The following ABCB4 variants were observed in gnomAD, a reference collection of about 807,000 sequenced individuals.
ABCB4 encodes ATP binding cassette subfamily B member 4.
ABCB4 carries 76 observed loss-of-function variants against 145.7 expected under a neutral mutation model. The observed-to-expected ratio is 0.52, with a 90% CI of 0.43 to 0.63. The LOEUF (loss-of-function observed/expected upper bound fraction) is 0.63. ABCB4 is among the 30% of genes least tolerant of loss of function. ABCB4 has a pLI of 0.00. For missense variants in ABCB4, 1,234 were observed against 1,553.1 expected, an observed-to-expected ratio of 0.79 and a Z score of 3.45; for synonymous variants, 517 against 566.8, an observed-to-expected ratio of 0.91 and a Z score of 1.25.
At chr7:87,449,786 A>G (rs1811586054) in intron 8 of ABCB4, among the ~76,000 whole-genome samples, 182 bp downstream of exon 8, 1 of 152,198 alleles carries the variant, frequency 6.6e-6, no homozygotes, top group African/African-American at 2.4e-5. Context: ...TGGAACATAA[A>G]TGATTAAGAA....
intron 24 of ABCB4, 128 bp downstream of exon 24, chr7:87,409,107 TA>T: frequency 8.7e-7 from 1 of 1,154,636 alleles, no homozygotes; most frequent in Non-Finnish European, 1.3e-6. Context: ...ATTAGCTATA[TA>T]AATATTACAA....
Position 87,475,441 on chromosome 7 carries a change from C to G in ABCB4, c.25G>C (p.Gly9Arg). 6.2e-7 allele frequency: 1 copy of G among 1,614,164 alleles called. No individual in the cohort carries two copies. The highest frequency in any genetic ancestry group is 2.2e-5 in the East Asian group (1 of 44,868). Residue 9 changes from glycine to arginine, a missense_variant, in exon 2 of 28, where the codon GGA (glycine) becomes CGA (arginine). Physicochemically the swap from Gly to Arg is moderately radical, Grantham distance 125 (BLOSUM62 -2). Around this residue, in one of 7 missense-constraint regions of ABCB4, gnomAD observed 77 missense variants for 73.3 expected, o/e 1.05. Transcript: ENST00000649586. Reference protein sequence around the residue: MDLEAAKNGTAWRPTSAEG... With the variant: MDLEAAKNRTAWRPTSAEG... ...GCGCTCGTGGGGCGCCAGGCTGTTC[C>G]GTTCTTTGCCGCCTCAAGATCCATC...
the ABCB4 span, among the ~76,000 whole-genome samples, chr7:87,395,130 G>T: frequency 6.6e-6 from 1 of 152,142 alleles, no homozygotes; most frequent in Non-Finnish European, 1.5e-5. Context: ...CCCACAATAG[G>T]CCAGCTGCAA....
chr7:87,375,899 G>A, the ABCB4 span: 16 of 1,613,060 alleles, frequency 9.9e-6, no homozygotes, highest in Non-Finnish European at 1.4e-5. Context: ...GTAGTTTACT[G>A]GTATATTCCA....
intron 14 of ABCB4, 123 bp downstream of exon 14, chr7:87,439,544 C>T (rs1249919466): frequency 1.8e-6 from 2 of 1,141,250 alleles, no homozygotes; most frequent in East Asian, 2.4e-5. Flanking sequence ...GAAATCAATA[C>T]AGCTCCATGA....
At chr7:87,428,474 C>T (rs937826025) in intron 15 of ABCB4, among the ~76,000 whole-genome samples, 3 of 152,274 alleles carry the variant, frequency 2.0e-5, no homozygotes, top group Non-Finnish European at 4.4e-5. Context: ...CGGAGAACAA[C>T]CTCAAATCCT....
At chr7:87,446,591 AAAAC>A (rs1397040197) in intron 9 of ABCB4, among the ~76,000 whole-genome samples, 2 of 152,216 alleles carry the variant, frequency 1.3e-5, no homozygotes, top group African/African-American at 4.8e-5. Context: ...TTGATAAATA[AAAAC>A]AAACTAACAT....
At chr7:87,382,768 G>A in the ABCB4 span, among the ~76,000 whole-genome samples, 37 of 152,090 alleles carry the variant, frequency 2.4e-4, no homozygotes, top group Non-Finnish European at 2.2e-4. Flanking sequence ...AACTTTTGAC[G>A]TGTCTATTCT....
At chr7:87,449,870 T>C in intron 8 of ABCB4, 98 bp downstream of exon 8, 2 of 1,584,666 alleles carry the variant, frequency 1.3e-6, no homozygotes, top group South Asian at 1.1e-5. Context: ...GAAGGGTTAA[T>C]ATTAGGAAAG....
In ABCB4 at chr7:87,431,561, C is replaced by G. The variant is rs1264918408; in HGVS notation, c.1736G>C (p.Arg579Thr). Reference sequence around the variant, plus strand: ...TATCACAATGGTGGTCCGGCCTTCTCTGGCCTAAAAGAACAAAAATGTGGT... The same window carrying G: ...TATCACAATGGTGGTCCGGCCTTCTGTGGCCTAAAAGAACAAAAATGTGGT... ...AEVQAALDKA[R>T]EGRTTIVIAH... Residue 579 changes from arginine (R) to threonine (T), a missense_variant, in exon 15 of 28, where the codon AGA becomes ACA. Physicochemically the swap from Arg to Thr is moderately conservative, Grantham distance 71. This residue lies in a region of ABCB4 where 467 missense variants were observed against 632.8 expected (regional missense o/e 0.74). Coordinates refer to ENST00000649586, the MANE Select transcript of ABCB4 (RefSeq NM_000443.4). 1.9e-6 allele frequency: 3 copies of G among 1,614,082 alleles called. No individual in the cohort carries two copies. The African/African-American group carries it at 4.0e-5, about 22-fold the overall frequency.
At chr7:87,392,738 C>T in the ABCB4 span, 22 of 1,613,120 alleles carry the variant, frequency 1.4e-5, no homozygotes, top group Middle Eastern at 1.6e-4. Flanking sequence ...AGGATTTGAT[C>T]GTCACCTTTT....
At chr7:87,424,946 G>C (rs1809705249) in intron 16 of ABCB4, among the ~76,000 whole-genome samples, 1 of 152,048 alleles carries the variant, frequency 6.6e-6, no homozygotes, top group Non-Finnish European at 1.5e-5. Flanking sequence ...AGGTCACTGA[G>C]AAAGGTTATA....
At chr7:87,376,898 T>C in the ABCB4 span, among the ~76,000 whole-genome samples, 30 of 152,154 alleles carry the variant, frequency 2.0e-4, no homozygotes, top group African/African-American at 7.0e-4. Flanking sequence ...TTGATTATGA[T>C]GCACTGAGTT....
intron 4 of ABCB4, among the ~76,000 whole-genome samples, chr7:87,461,734 G>A (rs187216197): frequency 6.6e-6 from 1 of 152,000 alleles, no homozygotes; most frequent in African/African-American, 2.4e-5. Flanking sequence ...TTTTTAAAAG[G>A]CATTAATATT....
At chr7:87,438,873 T>C (rs1005988637) in intron 14 of ABCB4, among the ~76,000 whole-genome samples, 1 of 152,140 alleles carries the variant, frequency 6.6e-6, no homozygotes, top group Non-Finnish European at 1.5e-5. Context: ...CCTGAGAAAA[T>C]AAGGTTCGTG....
chr7:87,410,166 A>G (rs1808506606), intron 23 of ABCB4, among the ~76,000 whole-genome samples: 1 of 152,196 alleles, frequency 6.6e-6, no homozygotes. Context: ...AAAGATGGAT[A>G]TTGATTATGA....
downstream of ABCB4, chr7:87,399,473 T>C (rs971629302): frequency 2.0e-5 from 3 of 152,058 alleles, no homozygotes; most frequent in Non-Finnish European, 4.4e-5. Context: ...AGACCCTGTC[T>C]CAAAGAAGAA....
chr7:87,461,097 CA>C (rs1172308938), intron 4 of ABCB4, among the ~76,000 whole-genome samples: 2 of 152,072 alleles, frequency 1.3e-5, no homozygotes, highest in African/African-American at 4.8e-5. Context: ...AGGCATGAGC[CA>C]CCATGCCTGG....
intron 4 of ABCB4, among the ~76,000 whole-genome samples, chr7:87,461,917 T>A (rs1812484773): frequency 6.6e-6 from 1 of 152,214 alleles, no homozygotes; most frequent in Admixed American, 6.5e-5. Context: ...TTACATATCT[T>A]TGCTAAGAAA....
Sources: allele counts gnomAD v4.1 joint callset (sites outside exome capture counted in the v4.1 genomes callset), GRCh38; gene constraint gnomAD v4.1.1; regional missense constraint gnomAD v4.1.1; transcripts MANE v1.5; gene names NCBI Gene and HGNC (gene_info 2026-07-23, HGNC 2026-07-21).